Variants in CHD3 observed in about 807,000 individuals in gnomAD.
CHD3 encodes the protein chromodomain helicase DNA binding protein 3, also known as ATP-dependent chromatin remodeler CHD3.
Under a neutral mutation model 248.9 loss-of-function variants are expected in CHD3, and 52 were observed. That is an observed-to-expected ratio of 0.21 (90% CI 0.17 to 0.26). The LOEUF (loss-of-function observed/expected upper bound fraction) is 0.26, where lower values mean the gene tolerates loss of function less well. Ranked by LOEUF, CHD3 falls within the 10% of genes least tolerant of loss-of-function variation. The pLI, the probability that CHD3 is intolerant of heterozygous loss-of-function variation, is 1.00. For missense variants in CHD3, 1,482 were observed against 2,605.8 expected, an observed-to-expected ratio of 0.57 and a Z score of 9.39; for synonymous variants, 985 against 985.2, an observed-to-expected ratio of 1.00 and a Z score of 0.00.
intron 2 of CHD3, 131 bp from the exon 3 acceptor site, chr17:7,890,440 A>AT: frequency 6.1e-6 from 4 of 653,928 alleles, no homozygotes; most frequent in Non-Finnish European, 9.9e-6. Flanking sequence ...AAAAAAAAAA[A>AT]GGAGATAAAA....
chr17:7,910,824 C>T lies in CHD3; in HGVS notation c.5755-23C>T. ...CTCACAGACTATGAACTAACTCCAA[C>T]TTCTGCTTCCTCTCTGTTCCAGGCC... On this transcript the variant is annotated intron_variant, in intron 38 of 39. Transcript: ENST00000330494. This position sits in a 1 kb window ranked among gnomAD's most constrained non-coding sequence, Gnocchi z 4.7. 6 of 1,584,198 alleles carry T rather than the reference C, an allele frequency of 3.8e-6. No homozygotes were observed. The highest frequency in any genetic ancestry group is 5.1e-6 in the Non-Finnish European group (6 of 1,169,346).
rs1021402696 is a variant in CHD3 at position 7,901,128 on chromosome 17, G to GA, written c.3121-115dup. 7.9e-6 allele frequency: 12 copies of GA among 1,513,628 alleles called. No individual in the cohort carries two copies. In the African/African-American group the frequency reaches 1.4e-4, roughly 18 times the overall value. 93.8% of individuals were successfully genotyped at this position (1,513,628 alleles called of 1,614,324 possible). A position where few individuals can be genotyped will look rare whatever the true frequency, so the allele number is the denominator to read the frequency against. ...CCACGGACTGGGTGTCTGAGAACAGGAGGAATTGGGAACATGTGGAAGCTG... is the reference window on the plus strand; with the variant it reads ...CCACGGACTGGGTGTCTGAGAACAGGAAGGAATTGGGAACATGTGGAAGCTG... On this transcript the variant is annotated intron_variant, in intron 19 of 39. Transcript: ENST00000330494.
Position 7,906,995 on chromosome 17 carries a change from G to C in CHD3, c.4630G>C (p.Ala1544Pro). The C allele has an allele frequency of 6.2e-7, 1 of 1,614,170 alleles. No homozygotes were observed. The highest frequency in any genetic ancestry group is 8.5e-7 in the Non-Finnish European group (1 of 1,180,036). Residue 1544 changes from alanine to proline, a missense_variant, in exon 30 of 40, where the codon GCT (alanine) becomes CCT (proline). Physicochemically the swap from Ala to Pro is conservative, Grantham distance 27. Transcript: ENST00000330494. The surrounding 1 kb of genome is among the most constrained non-coding windows in gnomAD (Gnocchi z 5.0). Reference protein sequence around the residue: ...PTKTSPTTPEASATNSPCTSK... With the variant: ...PTKTSPTTPEPSATNSPCTSK... ...CAAAACGTCTCCCACCACTCCTGAG[G>C]CTTCTGCTACCAACAGTCCCTGCAC...
At position 7,889,524 on chromosome 17, in the gene CHD3, C is replaced by G; in HGVS notation, c.101-140C>G. On this transcript the variant is annotated intron_variant, in intron 1 of 39. Coordinates refer to ENST00000330494, the MANE Select transcript of CHD3 (RefSeq NM_001005273.3). The surrounding 1 kb of genome is among the most constrained non-coding windows in gnomAD (Gnocchi z 4.5). ...TACTCGAAACACTTTCTGTTTGCAT[C>G]CAGTGAAGGGAGGCAGGGCTTGGAG... 1.5e-6 allele frequency: 1 copy of G among 680,518 alleles called. No homozygotes were observed. Among genetic ancestry groups the G allele is most frequent in the Non-Finnish European group, 2.5e-6 (1 of 396,856 alleles). The allele number at this position is 680,518 out of a possible 1,614,324, so 42.2% of individuals were successfully genotyped here. A position where few individuals can be genotyped will look rare whatever the true frequency, so the allele number is the denominator to read the frequency against.
At position 7,906,070 on chromosome 17, in the gene CHD3, T is replaced by C. The variant is rs574637512; in HGVS notation, c.4358+81T>C. Reference sequence around the variant, plus strand: ...TCCTTTCTTCCTTGGGGCCGCCATATGATGTGACCTTACTCAACTGATTAT... The same window carrying C: ...TCCTTTCTTCCTTGGGGCCGCCATACGATGTGACCTTACTCAACTGATTAT... On this transcript the variant is annotated intron_variant, in intron 28 of 39. Coordinates refer to ENST00000330494, the MANE Select transcript of CHD3 (RefSeq NM_001005273.3). The surrounding 1 kb of genome is among the most constrained non-coding windows in gnomAD (Gnocchi z 5.0). 7 of 1,568,046 alleles carry C rather than the reference T, an allele frequency of 4.5e-6. No individual in the cohort carries two copies. The African/African-American group carries it at 8.1e-5, about 18-fold the overall frequency.
upstream of CHD3, chr17:7,885,025 CCCG>C (rs759738955): frequency 8.3e-4 from 949 of 1,150,156 alleles, no homozygotes; most frequent in South Asian, 2.1e-3. Flanking sequence ...GCCACCTCTT[CCCG>C]CCGCCGCCGC....
In CHD3 at chr17:7,903,546, C is replaced by A; in HGVS notation, c.3727+43C>A. 1 of 1,494,468 alleles carries A rather than the reference C, an allele frequency of 6.7e-7. No individual in the cohort carries two copies. 92.6% of individuals were successfully genotyped at this position (1,494,468 alleles called of 1,614,324 possible). A position where few individuals can be genotyped will look rare whatever the true frequency, so the allele number is the denominator to read the frequency against. On this transcript the variant is annotated intron_variant, in intron 23 of 39. Coordinates refer to ENST00000330494, the MANE Select transcript of CHD3 (RefSeq NM_001005273.3). The surrounding 1 kb of genome is among the most constrained non-coding windows in gnomAD (Gnocchi z 6.8). ...AGCTCTGTGAAAGCAGGCCCCTGCTCTCTCAGGAGTACTTATCAGCCCCCT... is the reference window on the plus strand; with the variant it reads ...AGCTCTGTGAAAGCAGGCCCCTGCTATCTCAGGAGTACTTATCAGCCCCCT...
chr17:7,895,751 C>T lies in CHD3; in HGVS notation c.1707+209C>T, dbSNP rs1003838017. On this transcript the variant is annotated intron_variant, in intron 10 of 39. Transcript: ENST00000330494. This position sits in a 1 kb window ranked among gnomAD's most constrained non-coding sequence, Gnocchi z 4.9. ...TCAGTCTCCGTTAGCTTCCTTCCCT[C>T]AGATATAGCATAGCCTTTCCTAACT... Among the ~76,000 whole-genome samples the T allele has an allele frequency of 1.3e-5, 2 of 152,216 alleles. No individual in the cohort carries two copies. The highest frequency in any genetic ancestry group is 2.9e-5 in the Non-Finnish European group (2 of 68,030).
chr17:7,905,213 T>C lies in CHD3; in HGVS notation c.4138+48T>C. ...TACCTCACCTCTTCCCGTTTTATTTTCCAGTTTGCTTTAAGCCCACTGTTT... is the reference window on the plus strand; with the variant it reads ...TACCTCACCTCTTCCCGTTTTATTTCCCAGTTTGCTTTAAGCCCACTGTTT... On this transcript the variant is annotated intron_variant, in intron 26 of 39. Transcript: ENST00000330494. The surrounding 1 kb of genome is among the most constrained non-coding windows in gnomAD (Gnocchi z 5.8). The C allele has an allele frequency of 6.3e-7, 1 of 1,576,988 alleles. No homozygotes were observed. Among genetic ancestry groups the C allele is most frequent in the Non-Finnish European group, 8.7e-7 (1 of 1,146,160 alleles).
rs1157862550 is a variant in CHD3 at position 7,908,415 on chromosome 17, G to C, written c.5166G>C (p.Leu1722=). The stretch of plus-strand genomic sequence containing the variant: ...CCTTCTTTGCAGAGCTTCACACACT[G>C]TGGCAGAATGAGGAACGGGCAGCTA... ...ADGGFTELHT[L]WQNEERAAIS... Residue 1722 remains leucine (L), a synonymous_variant, in exon 35 of 40, where the codon CTG becomes CTC. Transcript: ENST00000330494. The surrounding 1 kb of genome is among the most constrained non-coding windows in gnomAD (Gnocchi z 5.8). The C allele has an allele frequency of 6.2e-7, 1 of 1,613,240 alleles. No homozygotes were observed. The highest frequency in any genetic ancestry group is 8.5e-7 in the Non-Finnish European group (1 of 1,179,578).
At chr17:7,896,078 A>T (rs927146038) in intron 10 of CHD3, among the ~76,000 whole-genome samples, 44 of 151,872 alleles carry the variant, frequency 2.9e-4, no homozygotes, top group Admixed American at 4.6e-4. Flanking sequence ...ATACAAAAAA[A>T]TTAGCTGGGC....
rs755334922 is a variant in CHD3, at chr17:7,903,869, G to A, written c.3772G>A (p.Glu1258Lys). Residue 1258 changes from glutamate (E) to lysine (K), a missense_variant, in exon 24 of 40, where the codon GAG becomes AAG. Physicochemically the swap from Glu to Lys is moderately conservative, Grantham distance 56. This residue lies in a region of CHD3 where 156 missense variants were observed against 420.3 expected (regional missense o/e 0.37). Coordinates refer to ENST00000330494, the MANE Select transcript of CHD3 (RefSeq NM_001005273.3). The surrounding 1 kb of genome is among the most constrained non-coding windows in gnomAD (Gnocchi z 6.8). Reference protein sequence around the residue: ...EDSSVIHYDNEAIARLLDRNQ... With the variant: ...EDSSVIHYDNKAIARLLDRNQ... ...CAGCAGTGTGATTCATTATGACAAT[G>A]AGGCCATCGCTCGGCTGTTGGACCG... 12 of 1,614,158 alleles carry A rather than the reference G, an allele frequency of 7.4e-6. No homozygotes were observed. Among genetic ancestry groups the A allele is most frequent in the Non-Finnish European group, 1.0e-5 (12 of 1,180,036 alleles).
rs1242448613 is a variant in CHD3 at position 7,895,112 on chromosome 17, G to C, written c.1465G>C (p.Asp489His). 2 of 1,613,968 alleles carry C rather than the reference G, an allele frequency of 1.2e-6. No individual in the cohort carries two copies. Among genetic ancestry groups the C allele is most frequent in the Middle Eastern group, 1.6e-4 (1 of 6,084 alleles). ...HIHCLNPPLPDIPNGEWLCPR... is the reference protein window; with the variant it reads ...HIHCLNPPLPHIPNGEWLCPR... ...TCATTGTCTAAACCCTCCCCTGCCT[G>C]ACATTCCCAATGGTGAATGGCTGTG... Residue 489 changes from aspartate to histidine, a missense_variant, in exon 9 of 40, where the codon GAC (aspartate) becomes CAC (histidine). Coordinates refer to ENST00000330494, the MANE Select transcript of CHD3 (RefSeq NM_001005273.3). The surrounding 1 kb of genome is among the most constrained non-coding windows in gnomAD (Gnocchi z 4.9).
rs970239401 is a variant in CHD3 at position 7,904,763 on chromosome 17, C to T, written c.4072+144C>T. ...AAAAGGGAAAGACATAAGGTAGAGTCATTAGGAACTACCCAGAGGCCAGGT... is the reference window on the plus strand; with the variant it reads ...AAAAGGGAAAGACATAAGGTAGAGTTATTAGGAACTACCCAGAGGCCAGGT... On this transcript the variant is annotated intron_variant, in intron 25 of 39. Transcript: ENST00000330494. The surrounding 1 kb of genome is among the most constrained non-coding windows in gnomAD (Gnocchi z 4.4). The T allele has an allele frequency of 7.1e-6, 6 of 843,338 alleles. No individual in the cohort carries two copies. The Admixed American group carries it at 1.5e-4, about 21-fold the overall frequency. The allele number at this position is 843,338 out of a possible 1,614,324, so 52.2% of individuals were successfully genotyped here. A position where few individuals can be genotyped will look rare whatever the true frequency, so the allele number is the denominator to read the frequency against.
chr17:7,894,370 T>TC, intron 7 of CHD3, 45 bp from the exon 8 acceptor site: 1 of 1,589,052 alleles, frequency 6.3e-7, no homozygotes, highest in South Asian at 1.1e-5. Flanking sequence ...TCTCTCCATC[T>TC]CCCCCTGCCC....
At position 7,897,928 on chromosome 17, in the gene CHD3, A is replaced by G; in HGVS notation, c.1920-43A>G. On this transcript the variant is annotated intron_variant, in intron 11 of 39. Transcript: ENST00000330494. The surrounding 1 kb of genome is among the most constrained non-coding windows in gnomAD (Gnocchi z 4.8). Reference sequence around the variant, plus strand: ...CCTTCTTTCTGTTTGTGATCTGTGCAATATTTTCCTCCTGCTCCTCCCCAT... The same window carrying G: ...CCTTCTTTCTGTTTGTGATCTGTGCGATATTTTCCTCCTGCTCCTCCCCAT... 2 of 1,592,540 alleles carry G rather than the reference A, an allele frequency of 1.3e-6. No individual in the cohort carries two copies. The highest frequency in any genetic ancestry group is 1.8e-5 in the Admixed American group (1 of 55,776).
intron 10 of CHD3, among the ~76,000 whole-genome samples, chr17:7,896,707 G>A (rs1051126806): frequency 6.6e-6 from 1 of 151,832 alleles, no homozygotes; most frequent in Non-Finnish European, 1.5e-5. Context: ...TGCCCCGGCT[G>A]GAGTGCAGTG....
Position 7,893,822 on chromosome 17 carries a change from C to T in CHD3, c.811C>T (p.Arg271Trp), listed in dbSNP as rs372716915. ...KEGKGPGHKR[R>W]SKSPRVPDGR... ...TCATTCAGGTCCAGGCCATAAGAGG[C>T]GGAGTAAGAGCCCCCGAGTGCCTGA... Residue 271 changes from arginine to tryptophan, a missense_variant, in exon 6 of 40, where the codon CGG becomes TGG. By Grantham distance (101) the Arg-to-Trp change is moderately radical. Transcript: ENST00000330494. 21 of 1,613,886 alleles carry T rather than the reference C, an allele frequency of 1.3e-5. No homozygotes were observed. The highest frequency in any genetic ancestry group is 8.9e-5 in the East Asian group (4 of 44,878).
chr17:7,889,079 T>C lies in CHD3; in HGVS notation c.79T>C (p.Cys27Arg). ...GAGGATTTCTTTTCCTCCAGGACTG[T>C]GTTGGGGTGACAGGATGCCTGGTAA... is the stretch of plus-strand genomic sequence containing the variant. ...QLRISFPPGL[C>R]WGDRMPDKDD... Residue 27 changes from cysteine (C) to arginine (R), a missense_variant, in exon 1 of 40, where the codon TGT becomes CGT. Coordinates refer to ENST00000330494, the MANE Select transcript of CHD3 (RefSeq NM_001005273.3). The surrounding 1 kb of genome is among the most constrained non-coding windows in gnomAD (Gnocchi z 4.5). 1 of 1,614,138 alleles carries C rather than the reference T, an allele frequency of 6.2e-7. No individual in the cohort carries two copies. The highest frequency in any genetic ancestry group is 8.5e-7 in the Non-Finnish European group (1 of 1,180,002).
Sources: gnomAD v4.1 joint callset for allele counts (sites outside exome capture counted in the v4.1 genomes callset) on GRCh38, gnomAD v4.1.1 for gene constraint, gnomAD v4.1.1 regional missense constraint, Gnocchi (gnomAD v3.1) non-coding constraint, MANE v1.5 for transcripts, NCBI Gene and HGNC (gene_info 2026-07-23, HGNC 2026-07-21) for gene names.